The following RAB5C variants were observed in gnomAD, a reference collection of about 807,000 sequenced individuals.
RAB5C encodes ras-related protein Rab-5C.
RAB5C carries 4 observed loss-of-function variants against 25.2 expected under a neutral mutation model. The observed-to-expected ratio is 0.16, with a 90% confidence interval of 0.08 to 0.36. RAB5C has a LOEUF of 0.36. Among genes scored for constraint, RAB5C ranks in the 10% least tolerant of loss-of-function variants. The pLI is 1.00. For missense variants in RAB5C, 199 were observed against 283.8 expected, an observed-to-expected ratio of 0.70 and a Z score of 2.15; for synonymous variants, 100 against 106.4, an observed-to-expected ratio of 0.94 and a Z score of 0.37.
intron 1 of RAB5C, among the ~76,000 whole-genome samples, chr17:42,150,809 T>C (rs1488353900): frequency 6.6e-6 from 1 of 151,244 alleles, no homozygotes; most frequent in African/African-American, 2.4e-5. Context: ...GAGGCGGAGG[T>C]TGCAGTGAGC....
chr17:42,151,703 C>A (rs1568026714), intron 1 of RAB5C, among the ~76,000 whole-genome samples: 2 of 152,138 alleles, frequency 1.3e-5, no homozygotes, highest in African/African-American at 2.4e-5. Flanking sequence ...GCCATTAGGA[C>A]TTTCAGGTTC....
intron 1 of RAB5C, among the ~76,000 whole-genome samples, chr17:42,131,168 T>C (rs1473823611): frequency 6.6e-6 from 1 of 152,102 alleles, no homozygotes; most frequent in Admixed American, 6.5e-5. Context: ...GTTATTAACA[T>C]AGCCATTTTT....
At chr17:42,131,690 T>G (rs1373144613) in intron 1 of RAB5C, 2 of 1,339,804 alleles carry the variant, frequency 1.5e-6, no homozygotes, top group Non-Finnish European at 2.1e-6. Context: ...GACCAAGTCC[T>G]GCATCCCCAA....
At chr17:42,132,657 T>C (rs564698909) in intron 1 of RAB5C, among the ~76,000 whole-genome samples, 4 of 152,150 alleles carry the variant, frequency 2.6e-5, no homozygotes, top group Middle Eastern at 3.4e-3. Context: ...CCAGCAGGTA[T>C]ACACCACCAC....
Position 42,125,703 on chromosome 17 carries a change from T to G in RAB5C, c.*80A>C, listed in dbSNP as rs2054413765. On this transcript the variant is annotated 3_prime_UTR_variant, in exon 6 of 6. Coordinates refer to ENST00000346213, the MANE Select transcript of RAB5C (RefSeq NM_004583.4). ...GCCCCCCCAGTGGTGGCCCGAGTCGTTAAGTGCGATTGGTTAGAGTGGATT... is the reference window on the plus strand; with the variant it reads ...GCCCCCCCAGTGGTGGCCCGAGTCGGTAAGTGCGATTGGTTAGAGTGGATT... 2 of 1,008,438 alleles carry G rather than the reference T, an allele frequency of 2.0e-6. No individual in the cohort carries two copies. Among genetic ancestry groups the G allele is most frequent in the South Asian group, 1.4e-5 (1 of 69,680 alleles). The allele number at this position is 1,008,438 out of a possible 1,614,324, so 62.5% of individuals were successfully genotyped here.
chr17:42,132,438 A>G (rs2054495209), intron 1 of RAB5C, among the ~76,000 whole-genome samples: 1 of 152,238 alleles, frequency 6.6e-6, no homozygotes, highest in Non-Finnish European at 1.5e-5. Context: ...ATTTCACCTC[A>G]GTCAATGAAG....
Position 42,126,801 on chromosome 17 carries a change from T to C in RAB5C, c.489A>G (p.Thr163=), listed in dbSNP as rs779492432. 1.4e-5 allele frequency: 23 copies of C among 1,613,632 alleles called. No homozygotes were observed. The South Asian group carries it at 2.3e-4, about 16-fold the overall frequency. ...TCACGTTCATTGCAGTCTTTGCTGATGTCTCCATGAACAGCAAACTGTTGT... is the reference window on the plus strand; with the variant it reads ...TCACGTTCATTGCAGTCTTTGCTGACGTCTCCATGAACAGCAAACTGTTGT... ...ADDNSLLFME[T]SAKTAMNVNE... is the part of the protein sequence containing the mutation. The change falls in exon 5 of 6, where the codon ACA becomes ACG. Residue 163 remains threonine, a synonymous_variant. Coordinates refer to ENST00000346213, the MANE Select transcript of RAB5C (RefSeq NM_004583.4).
chr17:42,128,685 G>A lies in RAB5C; in HGVS notation c.282C>T (p.Ala94=). 2 of 1,512,812 alleles carry A rather than the reference G, an allele frequency of 1.3e-6. No homozygotes were observed. Among genetic ancestry groups the A allele is most frequent in the East Asian group, 2.4e-5 (1 of 41,598 alleles). The allele number at this position is 1,512,812 out of a possible 1,614,324, so 93.7% of individuals were successfully genotyped here. A position where few individuals can be genotyped will look rare whatever the true frequency, so the allele number is the denominator to read the frequency against. The part of the protein sequence containing the change: ...HSLAPMYYRG[A]QAAIVVYDIT... ...TGTCATAGACCACGATGGCAGCCTGGGCCCCCCGATAGTACATGGGGGCCA... is the reference window on the plus strand; with the variant it reads ...TGTCATAGACCACGATGGCAGCCTGAGCCCCCCGATAGTACATGGGGGCCA... Residue 94 remains alanine (A), a synonymous_variant, in exon 3 of 6, where the codon GCC becomes GCT. Transcript: ENST00000346213.
rs897705307 is a variant in RAB5C at position 42,128,761 on chromosome 17, G to A, written c.206C>T (p.Thr69Ile). The change falls in exon 3 of 6, where the codon ACA becomes ATA. Residue 69 changes from threonine (T) to isoleucine (I), a missense_variant. By Grantham distance (89) the Thr-to-Ile change is moderately conservative. Transcript: ENST00000346213. ...LTQTVCLDDTTVKFEIWDTAG... is the reference protein window; with the variant it reads ...LTQTVCLDDTIVKFEIWDTAG... ...TGTGTCCCAGATCTCAAACTTGACT[G>A]TTGTGTCATCCAGGCAGACAGTCTG... 4.4e-6 allele frequency: 7 copies of A among 1,580,898 alleles called. No homozygotes were observed. Among genetic ancestry groups the A allele is most frequent in the African/African-American group, 1.4e-5 (1 of 73,280 alleles).
chr17:42,141,142 T>C (rs1327622828), intron 1 of RAB5C, among the ~76,000 whole-genome samples: 1 of 152,218 alleles, frequency 6.6e-6, no homozygotes, highest in Non-Finnish European at 1.5e-5. Context: ...TTCTTAATTT[T>C]TGCTGAACAA....
Position 42,128,807 on chromosome 17 carries a change from G to C in RAB5C, c.167-7C>G, listed in dbSNP as rs775144170. On this transcript the variant is annotated splice_region_variant and splice_polypyrimidine_tract_variant and intron_variant, in intron 2 of 5. Transcript: ENST00000346213. ...GTCTGTGTGAGGAAGGCCGCTGTAA[G>C]AGAGAAGGAGCGTCCATGGGCAAGA... The C allele has an allele frequency of 2.7e-6, 4 of 1,480,270 alleles. No individual in the cohort carries two copies. The highest frequency in any genetic ancestry group is 3.6e-6 in the Non-Finnish European group (4 of 1,114,240). 91.7% of individuals were successfully genotyped at this position (1,480,270 alleles called of 1,614,324 possible). A position where few individuals can be genotyped will look rare whatever the true frequency, so the allele number is the denominator to read the frequency against.
In RAB5C at chr17:42,138,496, G is replaced by A. The variant is rs555886686; in HGVS notation, c.-88-7906C>T. Among the ~76,000 whole-genome samples, 4 of 152,322 alleles carry A rather than the reference G, an allele frequency of 2.6e-5. No homozygotes were observed. In the East Asian group the frequency reaches 5.8e-4, roughly 22 times the overall value. On this transcript the variant is annotated intron_variant, in intron 1 of 5. Transcript: ENST00000346213. ...AAGGTGCTGCCTTTCCACAGCCACA[G>A]GAAGATGACCCTTTTTCCAGCGGAA...
intron 1 of RAB5C, among the ~76,000 whole-genome samples, chr17:42,142,205 GT>G (rs985104839): frequency 1.3e-5 from 2 of 148,338 alleles, no homozygotes; most frequent in African/African-American, 2.5e-5. Flanking sequence ...AGCATCTTGG[GT>G]TTTTTTTTGG....
chr17:42,150,819 C>T (rs2079666099), intron 1 of RAB5C, among the ~76,000 whole-genome samples: 1 of 151,972 alleles, frequency 6.6e-6, no homozygotes, highest in South Asian at 2.1e-4. Context: ...TTGCAGTGAG[C>T]CTGGGCAACA....
chr17:42,131,222 C>G (rs1418611213), intron 1 of RAB5C, among the ~76,000 whole-genome samples: 2 of 152,204 alleles, frequency 1.3e-5, no homozygotes, highest in East Asian at 3.8e-4. Context: ...CAGTCTAGGG[C>G]TGGACTGTGT....
chr17:42,138,954 A>G (rs1277610058), intron 1 of RAB5C, among the ~76,000 whole-genome samples: 3 of 152,190 alleles, frequency 2.0e-5, no homozygotes, highest in Admixed American at 2.0e-4. Context: ...CCCCTGAGGG[A>G]CAGACCCTTA....
intron 5 of RAB5C, among the ~76,000 whole-genome samples, chr17:42,126,250 C>T (rs1260454517): frequency 6.6e-6 from 1 of 151,936 alleles, no homozygotes; most frequent in Non-Finnish European, 1.5e-5. Context: ...GAGACTCTGG[C>T]CCAGGCTTCA....
At chr17:42,126,725 GGA>G (rs756309766) in intron 5 of RAB5C, 28 bp downstream of exon 5, 12 of 1,493,592 alleles carry the variant, frequency 8.0e-6, no homozygotes, top group Non-Finnish European at 1.0e-5. Context: ...TTGCTGTGGT[GGA>G]GAGAGGAGGG....
intron 1 of RAB5C, among the ~76,000 whole-genome samples, chr17:42,134,918 C>T (rs534643809): frequency 1.3e-5 from 2 of 151,706 alleles, no homozygotes; most frequent in South Asian, 2.1e-4. Context: ...TTCCCTGCTC[C>T]GGGGTTCCCT....
Sources: gnomAD v4.1 joint callset for allele counts (sites outside exome capture counted in the v4.1 genomes callset) on GRCh38, gnomAD v4.1.1 for gene constraint, MANE v1.5 for transcripts, NCBI Gene and HGNC (gene_info 2026-07-23, HGNC 2026-07-21) for gene names.